Variants in EPM2A observed in about 807,000 individuals in gnomAD.
EPM2A encodes EPM2A glucan phosphatase, laforin.
Under a neutral mutation model 26.5 loss-of-function variants are expected in EPM2A, and 21 were observed. The observed-to-expected ratio is 0.79, with a 90% CI of 0.56 to 1.14. The LOEUF (loss-of-function observed/expected upper bound fraction) is 1.14. EPM2A is among the 50% of genes most tolerant of loss of function. EPM2A has a pLI of 0.00. For synonymous variants in EPM2A, 217 were observed against 177.6 expected, an observed-to-expected ratio of 1.22 and a Z score of -1.76; for missense variants, 458 against 440.8, an observed-to-expected ratio of 1.04 and a Z score of -0.35.
chr6:145,454,579 A>G (rs1001272818), intron 4 of EPM2A, among the ~76,000 whole-genome samples: 1 of 152,234 alleles, frequency 6.6e-6, no homozygotes, highest in Non-Finnish European at 1.5e-5. Flanking sequence ...AATTAGAACT[A>G]AACCTTGCTA....
chr6:145,481,900 A>C, intron 4 of EPM2A, among the ~76,000 whole-genome samples: 1 of 146,324 alleles, frequency 6.8e-6, no homozygotes, highest in Non-Finnish European at 1.5e-5. Flanking sequence ...ACCATAAACA[A>C]CATATTTGGA....
At chr6:145,437,259 TC>T (rs1397343003) in intron 4 of EPM2A, among the ~76,000 whole-genome samples, 2 of 152,018 alleles carry the variant, frequency 1.3e-5, no homozygotes, top group Non-Finnish European at 2.9e-5. Context: ...GGTGCTTACT[TC>T]CCCTTCGCCT....
chr6:145,505,724 AC>A (rs771438028), intron 2 of EPM2A, among the ~76,000 whole-genome samples: 3 of 152,180 alleles, frequency 2.0e-5, no homozygotes, highest in Non-Finnish European at 4.4e-5. Context: ...AGTCAATACC[AC>A]TGTAGGACCA....
intron 2 of EPM2A, among the ~76,000 whole-genome samples, chr6:145,677,525 T>C (rs1169022510): frequency 6.6e-6 from 1 of 152,304 alleles, no homozygotes; most frequent in African/African-American, 2.4e-5. Context: ...ATTGTATATT[T>C]AGAAAACCCC....
chr6:145,658,420 T>C (rs1778450101), intron 2 of EPM2A, among the ~76,000 whole-genome samples: 1 of 152,218 alleles, frequency 6.6e-6, no homozygotes, highest in Admixed American at 6.5e-5. Flanking sequence ...CTCATTACTA[T>C]TACTAGAACT....
chr6:145,489,898 C>A (rs568608496), intron 4 of EPM2A: 36 of 1,355,148 alleles, frequency 2.7e-5, no homozygotes, highest in Non-Finnish European at 3.8e-5. Context: ...TACTTCAGTA[C>A]CTTCTTCAGT....
chr6:145,526,424 T>A (rs1780274268), intron 2 of EPM2A, among the ~76,000 whole-genome samples: 1 of 152,042 alleles, frequency 6.6e-6, no homozygotes, highest in Admixed American at 6.6e-5. Flanking sequence ...CAGGGCTTTT[T>A]TTGGTTGGTA....
intron 4 of EPM2A, among the ~76,000 whole-genome samples, chr6:145,424,320 GT>G (rs1253608929): frequency 4.6e-5 from 7 of 152,234 alleles, no homozygotes; most frequent in Admixed American, 2.0e-4. Context: ...GAGAAAGCTT[GT>G]TTTAAACTGA....
chr6:145,395,453 A>C (rs958659437), intron 4 of EPM2A, among the ~76,000 whole-genome samples: 3 of 152,146 alleles, frequency 2.0e-5, no homozygotes, highest in African/African-American at 7.2e-5. Flanking sequence ...TCAATTCTGT[A>C]GCTCTACCCT....
intron 4 of EPM2A, among the ~76,000 whole-genome samples, chr6:145,426,618 C>A (rs1778857818): frequency 1.3e-5 from 2 of 152,140 alleles, no homozygotes; most frequent in Non-Finnish European, 2.9e-5. Context: ...AGAGATTTTT[C>A]TTGTTTTCTT....
intron 4 of EPM2A, among the ~76,000 whole-genome samples, chr6:145,474,171 G>A (rs150075755): frequency 6.6e-6 from 1 of 152,180 alleles, no homozygotes; most frequent in Admixed American, 6.6e-5. Flanking sequence ...TTAAAAAGTA[G>A]TGGGTATGGG....
At position 145,626,911 on chromosome 6, in the gene EPM2A, C is replaced by T. The variant is rs1582910649; in HGVS notation, c.*505G>A. The T allele has an allele frequency of 2.0e-6, 2 of 1,000,858 alleles. No individual in the cohort carries two copies. The highest frequency in any genetic ancestry group is 1.2e-6 in the Non-Finnish European group (1 of 838,322). The allele number at this position is 1,000,858 out of a possible 1,614,324, so 62.0% of individuals were successfully genotyped here. A position where few individuals can be genotyped will look rare whatever the true frequency, so the allele number is the denominator to read the frequency against. ...AAAAAACAAGTCCTGAAAGCCATCA[C>T]TTTTTGACCATAGTGAGCTCTTCTT... On this transcript the variant is annotated 3_prime_UTR_variant, in exon 4 of 4. Coordinates refer to ENST00000367519, the MANE Select transcript of EPM2A (RefSeq NM_005670.4).
chr6:145,436,316 T>A (rs1034005784), intron 4 of EPM2A, among the ~76,000 whole-genome samples: 8 of 152,208 alleles, frequency 5.3e-5, no homozygotes, highest in African/African-American at 1.9e-4. Context: ...ATAGACAAGA[T>A]TTTGTGTGAA....
chr6:145,702,270 A>G (rs1372072975), intron 1 of EPM2A, among the ~76,000 whole-genome samples: 1 of 152,208 alleles, frequency 6.6e-6, no homozygotes, highest in African/African-American at 2.4e-5. Context: ...GCAATACTTA[A>G]TGAGAGTGAC....
intron 4 of EPM2A, among the ~76,000 whole-genome samples, chr6:145,418,732 T>C (rs528588003): frequency 2.0e-5 from 3 of 152,298 alleles, no homozygotes; most frequent in Admixed American, 6.5e-5. Flanking sequence ...CTTGACTGAA[T>C]CTGATTTTTA....
At chr6:145,484,038 C>A (rs1005080632) in intron 4 of EPM2A, among the ~76,000 whole-genome samples, 1 of 152,156 alleles carries the variant, frequency 6.6e-6, no homozygotes, top group African/African-American at 2.4e-5. Flanking sequence ...GTCTATCTTG[C>A]TACATGACAG....
rs529427458 is a variant in EPM2A, at chr6:145,452,069, T to C, written c.555+50453A>G. ...TTCGTTCTTCTTTGGTCTACCCCTC[T>C]CTTTTACACCCTGGCTCTCTTAACA... On this transcript the variant is annotated intron_variant, in intron 4 of 4. Coordinates refer to the EPM2A transcript ENST00000638717. Among the ~76,000 whole-genome samples the C allele has an allele frequency of 1.6e-4, 24 of 152,330 alleles. No homozygotes were observed. The South Asian group carries it at 4.3e-3, about 28-fold the overall frequency.
intron 2 of EPM2A, among the ~76,000 whole-genome samples, chr6:145,582,016 T>C (rs1447566530): frequency 1.3e-5 from 2 of 151,248 alleles, no homozygotes; most frequent in Admixed American, 1.3e-4. Context: ...GTAAGGTTCC[T>C]CTATGTGTGA....
At chr6:145,527,331 A>G (rs996518628) in intron 2 of EPM2A, among the ~76,000 whole-genome samples, 16 of 152,064 alleles carry the variant, frequency 1.1e-4, no homozygotes, top group African/African-American at 3.9e-4. Flanking sequence ...ATTTAAGTAT[A>G]CAATTTCTTT....
Sources: gnomAD v4.1 joint callset for allele counts (sites outside exome capture counted in the v4.1 genomes callset) on GRCh38, gnomAD v4.1.1 for gene constraint, MANE v1.5 for transcripts, NCBI Gene and HGNC (gene_info 2026-07-23, HGNC 2026-07-21) for gene names.